HSD17B12: variants seen among roughly 807,000 people sequenced by gnomAD.
HSD17B12 encodes very-long-chain 3-oxoacyl-CoA reductase.
A neutral mutation model predicts 39.3 loss-of-function variants in HSD17B12; 32 were observed. That is an observed-to-expected ratio of 0.81 (90% CI 0.61 to 1.09). The LOEUF is 1.09. Among genes scored for constraint, HSD17B12 ranks in the 50% least tolerant of loss-of-function variants. The pLI, the probability that HSD17B12 is intolerant of heterozygous loss-of-function variation, is 0.00. For synonymous variants in HSD17B12, 150 were observed against 146.7 expected (o/e 1.02, Z -0.16); for missense variants, 342 against 382.9 (o/e 0.89, Z 0.89).
At chr11:43,710,931 C>T (rs1414255756) in intron 1 of HSD17B12, among the ~76,000 whole-genome samples, 3 of 152,096 alleles carry the variant, frequency 2.0e-5, no homozygotes, top group Non-Finnish European at 4.4e-5. Context: ...GGTGGGACAA[C>T]AGGTGCATGC....
chr11:43,741,559 T>C (rs1950364630), intron 1 of HSD17B12, among the ~76,000 whole-genome samples: 1 of 152,082 alleles, frequency 6.6e-6, no homozygotes, highest in Non-Finnish European at 1.5e-5. Flanking sequence ...CAGAAGCAAC[T>C]ATCAATAGAC....
At chr11:43,595,937 G>C in the HSD17B12 span, among the ~76,000 whole-genome samples, 1 of 152,116 alleles carries the variant, frequency 6.6e-6, no homozygotes, top group Non-Finnish European at 1.5e-5. Flanking sequence ...TGAAGAATGA[G>C]TTCATTCTCA....
intron 4 of HSD17B12, among the ~76,000 whole-genome samples, chr11:43,803,843 G>T (rs1225440728): frequency 6.6e-6 from 1 of 152,132 alleles, no homozygotes; most frequent in African/African-American, 2.4e-5. Flanking sequence ...ACAGATTTCA[G>T]AAAGCTTATA....
At chr11:43,702,837 A>G (rs1288117601) in intron 1 of HSD17B12, among the ~76,000 whole-genome samples, 1 of 152,050 alleles carries the variant, frequency 6.6e-6, no homozygotes, top group East Asian at 1.9e-4. Context: ...TAAGCTCATC[A>G]GCTATTGTTA....
intron 9 of HSD17B12, among the ~76,000 whole-genome samples, chr11:43,843,590 C>G (rs940330138): frequency 6.6e-6 from 1 of 151,774 alleles, no homozygotes; most frequent in African/African-American, 2.4e-5. Context: ...GCTCTGCCCT[C>G]TGAAGTGCCC....
the HSD17B12 span, among the ~76,000 whole-genome samples, chr11:43,577,217 G>A: frequency 6.6e-6 from 1 of 152,246 alleles, no homozygotes; most frequent in Non-Finnish European, 1.5e-5. Flanking sequence ...CGTGCGCCAG[G>A]GGGCGGGGTT....
At chr11:43,591,612 C>G in the HSD17B12 span, among the ~76,000 whole-genome samples, 19 of 151,988 alleles carry the variant, frequency 1.3e-4, no homozygotes, top group Admixed American at 1.1e-3. Context: ...GAAGGAAAAC[C>G]TGTTAAAATA....
At chr11:43,730,505 T>C (rs1950258526) in intron 1 of HSD17B12, among the ~76,000 whole-genome samples, 1 of 152,196 alleles carries the variant, frequency 6.6e-6, no homozygotes. Context: ...GGTTTTGACT[T>C]CTCAGGGATG....
intron 1 of HSD17B12, among the ~76,000 whole-genome samples, chr11:43,739,155 T>C (rs1382637775): frequency 2.0e-5 from 3 of 152,144 alleles, no homozygotes; most frequent in Non-Finnish European, 2.9e-5. Flanking sequence ...TAAGGGCTTT[T>C]CCCCCTGGCT....
intron 1 of HSD17B12, among the ~76,000 whole-genome samples, chr11:43,738,436 G>T (rs1484369485): frequency 6.7e-6 from 1 of 148,410 alleles, no homozygotes; most frequent in Non-Finnish European, 1.5e-5. Context: ...CACCTTTCAA[G>T]GACAGCCTCA....
intron 1 of HSD17B12, among the ~76,000 whole-genome samples, chr11:43,728,698 A>G (rs1213359965): frequency 6.6e-6 from 1 of 152,178 alleles, no homozygotes; most frequent in Admixed American, 6.5e-5. Flanking sequence ...TGATCCTTAG[A>G]AATTTCAATT....
intron 3 of HSD17B12, among the ~76,000 whole-genome samples, chr11:43,784,293 A>G (rs1950795006): frequency 7.0e-6 from 1 of 143,790 alleles, no homozygotes; most frequent in African/African-American, 2.6e-5. Context: ...AGTTTAGGTC[A>G]GGGATTGATA....
chr11:43,771,513 C>G (rs1017315314), intron 3 of HSD17B12, among the ~76,000 whole-genome samples: 12 of 126,252 alleles, frequency 9.5e-5, no homozygotes, highest in Non-Finnish European at 1.4e-4. Context: ...GTCACCTAGG[C>G]TGGAGTGCAG....
In HSD17B12 at chr11:43,796,431, A is replaced by G. The variant is rs543594331; in HGVS notation, c.284-1889A>G. Among the ~76,000 whole-genome samples, 264 of 152,228 alleles carry G rather than the reference A, an allele frequency of 1.7e-3. 2 individuals are homozygous for G. The highest frequency in any genetic ancestry group is 1.6e-3 in the Non-Finnish European group (110 of 68,038). ...TAAAAAAGGCAGTGGTCACTGTATT[A>G]GTACATGATTCTGGGAAATCTAGGT... On this transcript the variant is annotated intron_variant, in intron 3 of 10. Coordinates refer to ENST00000278353, the MANE Select transcript of HSD17B12 (RefSeq NM_016142.3).
chr11:43,676,813 A>G (rs1340700475), upstream of HSD17B12, among the ~76,000 whole-genome samples: 1 of 152,222 alleles, frequency 6.6e-6, no homozygotes, highest in Non-Finnish European at 1.5e-5. Flanking sequence ...GACATATGCA[A>G]CAAAAAATAT....
intron 1 of HSD17B12, among the ~76,000 whole-genome samples, chr11:43,706,205 G>C (rs565125436): frequency 1.3e-5 from 2 of 152,122 alleles, no homozygotes; most frequent in African/African-American, 2.4e-5. Context: ...ATCTTTAATA[G>C]CAGTAATATA....
chr11:43,824,297 T>C (rs1480739539), intron 6 of HSD17B12, among the ~76,000 whole-genome samples: 2 of 152,196 alleles, frequency 1.3e-5, no homozygotes, highest in Non-Finnish European at 2.9e-5. Context: ...AAGTGTTCAA[T>C]GTACTCAAAC....
chr11:43,634,108 A>AAAAAAAAAAAAAAC, the HSD17B12 span, among the ~76,000 whole-genome samples: 1 of 135,180 alleles, frequency 7.4e-6, no homozygotes, highest in Non-Finnish European at 1.6e-5. Flanking sequence ...AAAAAAAAAA[A>AAAAAAAAAAAAAAC]AGAAAGACAC....
chr11:43,708,778 A>G (rs1950038392), intron 1 of HSD17B12, among the ~76,000 whole-genome samples: 1 of 152,224 alleles, frequency 6.6e-6, no homozygotes, highest in South Asian at 2.1e-4. Context: ...TATTTGGAGC[A>G]TATTTGGCTA....
Sources: allele counts gnomAD v4.1 joint callset (sites outside exome capture counted in the v4.1 genomes callset), GRCh38; gene constraint gnomAD v4.1.1; transcripts MANE v1.5; gene names NCBI Gene and HGNC (gene_info 2026-07-23, HGNC 2026-07-21).